Variants in GPC5 observed in about 807,000 individuals in gnomAD.
GPC5 encodes glypican-5.
GPC5 carries 47 observed loss-of-function variants against 53.9 expected under a neutral mutation model. The observed-to-expected ratio is 0.87, with a 90% CI of 0.69 to 1.11. The LOEUF is 1.11. Ranked by LOEUF, GPC5 falls within the 50% of genes most tolerant of loss-of-function variation. The probability of loss-of-function intolerance (pLI) is 0.00; values close to 1 mark genes in which losing one functional copy is unlikely to be tolerated. For synonymous variants in GPC5, 286 were observed against 263.3 expected, an observed-to-expected ratio of 1.09 and a Z score of -0.84; for missense variants, 748 against 713.1, an observed-to-expected ratio of 1.05 and a Z score of -0.56.
chr13:91,904,140 C>CTTTTTTT lies in GPC5; in HGVS notation c.1281-3782_1281-3776dup, dbSNP rs57293387. Among the ~76,000 whole-genome samples, 37 of 94,636 alleles carry CTTTTTTT rather than the reference C, an allele frequency of 3.9e-4. 1 individual carries two copies. The highest frequency in any genetic ancestry group is 9.3e-4 in the African/African-American group (21 of 22,610). The allele number at this position is 94,636 out of a possible 152,430, so 62.1% of individuals were successfully genotyped here. The stretch of plus-strand genomic sequence containing the variant: ...TGCTTAGTTTTACTTTCTTTTCTTT[C>CTTTTTTT]TTTTTTTTTTTTTTTTTTTTTAAGG... On this transcript the variant is annotated intron_variant, in intron 5 of 7. Transcript: ENST00000377067.
intron 6 of GPC5, among the ~76,000 whole-genome samples, chr13:92,072,815 C>T (rs986593614): frequency 2.0e-5 from 3 of 151,606 alleles, no homozygotes; most frequent in African/African-American, 4.9e-5. Flanking sequence ...AAGCGATCTG[C>T]CCACCTGGGC....
At chr13:92,859,458 T>G (rs907920388) in intron 7 of GPC5, among the ~76,000 whole-genome samples, 1 of 152,136 alleles carries the variant, frequency 6.6e-6, no homozygotes, top group Non-Finnish European at 1.5e-5. Flanking sequence ...TTATTTTAAT[T>G]TTTAATAGCA....
chr13:92,473,671 T>C (rs2139424585), intron 7 of GPC5, among the ~76,000 whole-genome samples: 1 of 152,288 alleles, frequency 6.6e-6, no homozygotes, highest in African/African-American at 2.4e-5. Context: ...AAAACAGTTA[T>C]GTAAATTGTA....
At chr13:92,007,513 G>C (rs1018166256) in intron 6 of GPC5, among the ~76,000 whole-genome samples, 2 of 152,076 alleles carry the variant, frequency 1.3e-5, no homozygotes, top group Non-Finnish European at 2.9e-5. Context: ...TTTGAAATAT[G>C]CTTTGTGTGA....
intron 7 of GPC5, among the ~76,000 whole-genome samples, chr13:92,600,424 G>C (rs1884009238): frequency 6.6e-6 from 1 of 152,004 alleles, no homozygotes; most frequent in Non-Finnish European, 1.5e-5. Flanking sequence ...TTAGCATATA[G>C]CTAGCAAGAT....
At chr13:91,573,214 A>G (rs1376565132) in intron 2 of GPC5, among the ~76,000 whole-genome samples, 1 of 152,184 alleles carries the variant, frequency 6.6e-6, no homozygotes. Context: ...TTCATCTGGC[A>G]ATCATGAAGT....
At chr13:92,853,487 T>G (rs1878881533) in intron 7 of GPC5, among the ~76,000 whole-genome samples, 1 of 152,154 alleles carries the variant, frequency 6.6e-6, no homozygotes, top group East Asian at 1.9e-4. Context: ...TCTTGGAATA[T>G]ATCCCCATCC....
intron 6 of GPC5, among the ~76,000 whole-genome samples, chr13:92,001,729 G>T (rs1460081131): frequency 6.6e-6 from 1 of 152,032 alleles, no homozygotes; most frequent in Non-Finnish European, 1.5e-5. Flanking sequence ...GTGTCCACAA[G>T]AAAAATATTT....
intron 7 of GPC5, among the ~76,000 whole-genome samples, chr13:92,569,084 C>G (rs948788672): frequency 1.9e-5 from 2 of 108,004 alleles, no homozygotes; most frequent in African/African-American, 7.1e-5. Context: ...CCCCTCCCCC[C>G]ACCCCACAAC....
At chr13:92,347,864 T>TG (rs1491202059) in intron 7 of GPC5, among the ~76,000 whole-genome samples, 1 of 8,484 alleles carries the variant, frequency 1.2e-4, no homozygotes, top group East Asian at 2.4e-3. Context: ...CATATATATA[T>TG]TATATATATA....
chr13:91,683,028 C>T (rs993898462), intron 2 of GPC5, among the ~76,000 whole-genome samples: 1 of 151,094 alleles, frequency 6.6e-6, no homozygotes, highest in Non-Finnish European at 1.5e-5. Context: ...CGAATTGTTG[C>T]TTACATGGGG....
intron 7 of GPC5, among the ~76,000 whole-genome samples, chr13:92,752,329 T>G (rs139764872): frequency 1.3e-5 from 2 of 152,318 alleles, no homozygotes; most frequent in East Asian, 1.9e-4. Context: ...AATGCTCTGG[T>G]CCTCTTCAGA....
chr13:92,160,321 G>A (rs9560946), intron 7 of GPC5, among the ~76,000 whole-genome samples: 5,900 of 152,232 alleles, frequency 0.039, 251 homozygotes, highest in African/African-American at 0.099. Context: ...TGATATAGCT[G>A]TTGTTAACTG....
intron 6 of GPC5, among the ~76,000 whole-genome samples, chr13:92,010,563 T>A (rs1395593400): frequency 6.6e-6 from 1 of 152,198 alleles, no homozygotes; most frequent in Non-Finnish European, 1.5e-5. Flanking sequence ...GGAGACACTA[T>A]TTTTGGGCAA....
At chr13:92,749,059 T>C (rs1196506176) in intron 7 of GPC5, among the ~76,000 whole-genome samples, 1 of 152,206 alleles carries the variant, frequency 6.6e-6, no homozygotes, top group South Asian at 2.1e-4. Flanking sequence ...ATTCAAGATA[T>C]ATTTTGGAGT....
chr13:92,432,584 C>T (rs1028894916), intron 7 of GPC5, among the ~76,000 whole-genome samples: 2 of 151,202 alleles, frequency 1.3e-5, no homozygotes, highest in African/African-American at 4.9e-5. Context: ...GCTGTGTTAG[C>T]CAGGATGGTC....
At chr13:92,121,436 C>T (rs2041648309) in intron 6 of GPC5, among the ~76,000 whole-genome samples, 1 of 152,168 alleles carries the variant, frequency 6.6e-6, no homozygotes. Flanking sequence ...CTATGTCTCA[C>T]CGAGCCTCTT....
At chr13:91,488,106 A>G (rs1223226552) in intron 2 of GPC5, among the ~76,000 whole-genome samples, 1 of 152,132 alleles carries the variant, frequency 6.6e-6, no homozygotes, top group African/African-American at 2.4e-5. Context: ...CCCAGAGGGT[A>G]TATACAATGG....
At chr13:91,744,517 A>C (rs548582553) in intron 4 of GPC5, among the ~76,000 whole-genome samples, 1 of 152,184 alleles carries the variant, frequency 6.6e-6, no homozygotes, top group Non-Finnish European at 1.5e-5. Context: ...GCAAGCATGA[A>C]CAATTTGTAC....
Sources: gnomAD v4.1 joint callset for allele counts (sites outside exome capture counted in the v4.1 genomes callset) on GRCh38, gnomAD v4.1.1 for gene constraint, MANE v1.5 for transcripts, NCBI Gene and HGNC (gene_info 2026-07-23, HGNC 2026-07-21) for gene names.